CDH22: variants seen among roughly 807,000 people sequenced by gnomAD.
CDH22 encodes the protein cadherin-22.
A neutral mutation model predicts 58.4 loss-of-function variants in CDH22; 30 were observed. The ratio of observed to expected loss-of-function variants is 0.51; its 90% confidence interval spans 0.38 to 0.70. The LOEUF (loss-of-function observed/expected upper bound fraction) is 0.70. CDH22 is among the 30% of genes least tolerant of loss of function. The pLI is 0.00. For synonymous variants in CDH22, 513 were observed against 558.2 expected, an observed-to-expected ratio of 0.92 and a Z score of 1.14; for missense variants, 1,014 against 1,233.9, an observed-to-expected ratio of 0.82 and a Z score of 2.67.
intron 1 of CDH22, among the ~76,000 whole-genome samples, chr20:46,276,232 G>A (rs2086516368): frequency 6.6e-6 from 1 of 152,200 alleles, no homozygotes; most frequent in Admixed American, 6.5e-5. Context: ...TCTCTGCAGA[G>A]CCTGAAGCCA....
chr20:46,217,077 C>T (rs2086091521), intron 4 of CDH22, 84 bp from the exon 5 acceptor site: 1 of 1,340,326 alleles, frequency 7.5e-7, no homozygotes, highest in Admixed American at 2.1e-5. Flanking sequence ...GGGATTCAGA[C>T]CCTGTGACTC....
chr20:46,243,968 A>T (rs570269208), intron 2 of CDH22, among the ~76,000 whole-genome samples: 31 of 152,132 alleles, frequency 2.0e-4, no homozygotes, highest in African/African-American at 7.2e-4. Flanking sequence ...ACCACTCACT[A>T]ATGTTGGGAC....
At chr20:46,236,079 G>C (rs931207103) in intron 3 of CDH22, among the ~76,000 whole-genome samples, 6 of 152,124 alleles carry the variant, frequency 3.9e-5, no homozygotes, top group African/African-American at 1.4e-4. Context: ...CTATGCCTCA[G>C]GACCCTTGCA....
intron 8 of CDH22, among the ~76,000 whole-genome samples, chr20:46,196,238 A>G (rs372247316): frequency 4.8e-4 from 72 of 151,154 alleles, no homozygotes; most frequent in African/African-American, 1.6e-3. Flanking sequence ...TTCCCATCTC[A>G]TGGAGATGGT....
At chr20:46,253,376 G>C (rs1389333782) in intron 1 of CDH22, among the ~76,000 whole-genome samples, 3 of 152,130 alleles carry the variant, frequency 2.0e-5, no homozygotes, top group African/African-American at 7.2e-5. Context: ...TGTAGTTCTG[G>C]GCAATGAGAG....
chr20:46,272,996 T>A (rs1279876909), intron 1 of CDH22, among the ~76,000 whole-genome samples: 1 of 152,086 alleles, frequency 6.6e-6, no homozygotes, highest in Non-Finnish European at 1.5e-5. Context: ...AGGTTTGAGG[T>A]TCCCTGGCAT....
intron 1 of CDH22, among the ~76,000 whole-genome samples, chr20:46,265,945 TACACACACACAC>T (rs10536307): frequency 1.4e-5 from 2 of 148,052 alleles, no homozygotes; most frequent in Non-Finnish European, 3.0e-5. Context: ...TTCACACAGA[TACACACACACAC>T]ACACACACAC....
chr20:46,178,069 G>A lies in CDH22; in HGVS notation c.1792C>T (p.Arg598Cys), dbSNP rs142616480. ...TLSSTGTLTI[R>C]ICGCDSSGTI... ...CCGGAGCTGTCGCAGCCACAGATGC[G>A]GATGGTGAGCGTGCCTGTGCTGCTC... The change falls in exon 11 of 12, where the codon CGC (arginine) becomes TGC (cysteine). Residue 598 changes from arginine to cysteine, a missense_variant. By Grantham distance (180) the Arg-to-Cys change is radical (BLOSUM62 -3). This residue lies in a region of CDH22 where 806 missense variants were observed against 1,038.7 expected (regional missense o/e 0.78). Coordinates refer to ENST00000537909, the MANE Select transcript of CDH22 (RefSeq NM_021248.3). 1.9e-6 allele frequency: 3 copies of A among 1,613,978 alleles called. No homozygotes were observed. The highest frequency in any genetic ancestry group is 2.5e-6 in the Non-Finnish European group (3 of 1,180,012).
At chr20:46,294,919 ACAGGGCTTGTTC>A (rs1444097416) in intron 1 of CDH22, among the ~76,000 whole-genome samples, 2 of 152,224 alleles carry the variant, frequency 1.3e-5, no homozygotes, top group African/African-American at 4.8e-5. Flanking sequence ...GCAGACAGTA[ACAGGGCTTGTTC>A]CAGAGCTGCC....
chr20:46,232,235 C>T (rs1399714142), intron 3 of CDH22, among the ~76,000 whole-genome samples: 1 of 152,150 alleles, frequency 6.6e-6, no homozygotes, highest in Non-Finnish European at 1.5e-5. Context: ...TTCCAGACCC[C>T]CCAGGAGGAG....
In CDH22 at chr20:46,250,973, T is replaced by TC. The variant is rs372739567; in HGVS notation, c.255+66dup. The TC allele has an allele frequency of 9.0e-5, 85 of 947,972 alleles. No individual in the cohort carries two copies. The African/African-American group carries it at 1.1e-3, about 12-fold the overall frequency. The allele number at this position is 947,972 out of a possible 1,614,324, so 58.7% of individuals were successfully genotyped here. A position where few individuals can be genotyped will look rare whatever the true frequency, so the allele number is the denominator to read the frequency against. ...TTAAAAGGGCAGGTGAACAAGGGTT[T>TC]CTTGTATCTACCCGTGGGTGTCCCC... On this transcript the variant is annotated intron_variant, in intron 2 of 11. Coordinates refer to ENST00000537909, the MANE Select transcript of CDH22 (RefSeq NM_021248.3).
chr20:46,239,044 T>TC (rs941842397), intron 3 of CDH22, among the ~76,000 whole-genome samples: 1 of 152,186 alleles, frequency 6.6e-6, no homozygotes, highest in African/African-American at 2.4e-5. Flanking sequence ...GGAATGCTCT[T>TC]CCCCCCAGGG....
chr20:46,249,476 G>A (rs1328591213), intron 2 of CDH22, among the ~76,000 whole-genome samples: 1 of 152,190 alleles, frequency 6.6e-6, no homozygotes, highest in East Asian at 1.9e-4. Flanking sequence ...TCAGCCACAT[G>A]TATGGAGCTT....
intron 11 of CDH22, 33 bp from the exon 12 acceptor site, chr20:46,175,110 C>T (rs1224474259): frequency 6.4e-7 from 1 of 1,562,186 alleles, no homozygotes; most frequent in Non-Finnish European, 8.6e-7. Flanking sequence ...AACTGAGGGC[C>T]AAGCCCCTCC....
intron 1 of CDH22, among the ~76,000 whole-genome samples, chr20:46,252,382 C>T (rs1338131631): frequency 1.3e-5 from 2 of 152,188 alleles, no homozygotes; most frequent in Non-Finnish European, 2.9e-5. Flanking sequence ...GAAAATATTT[C>T]TTTCCCAGAG....
At chr20:46,273,272 C>A (rs541804571) in intron 1 of CDH22, among the ~76,000 whole-genome samples, 1 of 152,364 alleles carries the variant, frequency 6.6e-6, no homozygotes, top group African/African-American at 2.4e-5. Flanking sequence ...GTTCTCTGGG[C>A]TTCTGTTTTT....
At chr20:46,243,504 G>A (rs1368092447) in intron 2 of CDH22, among the ~76,000 whole-genome samples, 1 of 152,150 alleles carries the variant, frequency 6.6e-6, no homozygotes, top group Non-Finnish European at 1.5e-5. Flanking sequence ...TCCAGTTACT[G>A]TTAATAGATT....
chr20:46,233,810 C>T (rs1015356490), intron 3 of CDH22, among the ~76,000 whole-genome samples: 1 of 152,274 alleles, frequency 6.6e-6, no homozygotes, highest in African/African-American at 2.4e-5. Context: ...CCCGTTCCCC[C>T]CAGCACGGGT....
intron 1 of CDH22, among the ~76,000 whole-genome samples, chr20:46,262,149 G>A (rs1169581587): frequency 6.6e-6 from 1 of 151,994 alleles, no homozygotes; most frequent in African/African-American, 2.4e-5. Flanking sequence ...CTGGGGCCTG[G>A]GAGTGATGCA....
Sources: gnomAD v4.1 joint callset for allele counts (sites outside exome capture counted in the v4.1 genomes callset) on GRCh38, gnomAD v4.1.1 for gene constraint, gnomAD v4.1.1 regional missense constraint, MANE v1.5 for transcripts, NCBI Gene and HGNC (gene_info 2026-07-23, HGNC 2026-07-21) for gene names.